Variants in SPECC1 observed in about 807,000 individuals in gnomAD.
The protein encoded by SPECC1 is cytospin-B.
SPECC1 carries 62 observed loss-of-function variants against 104.1 expected under a neutral mutation model. The observed-to-expected ratio is 0.60, with a 90% CI of 0.49 to 0.74. The LOEUF is 0.74. Ranked by LOEUF, SPECC1 falls within the 30% of genes least tolerant of loss-of-function variation. SPECC1 has a pLI of 0.00. For missense variants in SPECC1, 1,306 were observed against 1,310.5 expected, an observed-to-expected ratio of 1.00 and a Z score of 0.05; for synonymous variants, 513 against 501.6, an observed-to-expected ratio of 1.02 and a Z score of -0.30.
intron 3 of SPECC1, among the ~76,000 whole-genome samples, chr17:20,192,952 C>T (rs1175716580): frequency 6.6e-6 from 1 of 152,142 alleles, no homozygotes; most frequent in Non-Finnish European, 1.5e-5. Flanking sequence ...GGCAAGTCCA[C>T]AGTGCAAAGT....
intron 12 of SPECC1, among the ~76,000 whole-genome samples, chr17:20,268,120 A>G (rs2040276732): frequency 1.3e-5 from 2 of 152,250 alleles, no homozygotes; most frequent in East Asian, 3.8e-4. Context: ...AGATCAAAAG[A>G]AAGAAGAGTT....
At chr17:20,106,880 G>A (rs1351575757) in intron 2 of SPECC1, among the ~76,000 whole-genome samples, 3 of 152,102 alleles carry the variant, frequency 2.0e-5, no homozygotes, top group Non-Finnish European at 4.4e-5. Context: ...TCGTGGGCCA[G>A]GCGTGGTGGC....
intron 2 of SPECC1, among the ~76,000 whole-genome samples, chr17:20,110,192 G>A (rs1159080761): frequency 6.6e-6 from 1 of 152,194 alleles, no homozygotes; most frequent in Non-Finnish European, 1.5e-5. Context: ...TTCACGCACA[G>A]TCTTAGACAC....
chr17:20,311,411 A>T (rs1217744225), intron 14 of SPECC1, among the ~76,000 whole-genome samples: 2 of 149,204 alleles, frequency 1.3e-5, no homozygotes, highest in African/African-American at 5.0e-5. Flanking sequence ...TGTTTTTGAG[A>T]TGGAGTCTTG....
intron 12 of SPECC1, among the ~76,000 whole-genome samples, chr17:20,288,126 A>T (rs2041021822): frequency 1.3e-5 from 2 of 152,146 alleles, no homozygotes; most frequent in Admixed American, 6.5e-5. Flanking sequence ...AAAGGACATG[A>T]TCTTGTTTTT....
intron 1 of SPECC1, among the ~76,000 whole-genome samples, chr17:20,014,390 T>C (rs1212275700): frequency 6.6e-6 from 1 of 152,236 alleles, no homozygotes; most frequent in Non-Finnish European, 1.5e-5. Context: ...GTTATTTAGG[T>C]AAACTGTAAA....
chr17:20,240,060 ATTTTTTTTT>A (rs748689632), intron 7 of SPECC1, among the ~76,000 whole-genome samples: 7 of 32,178 alleles, frequency 2.2e-4, no homozygotes, highest in African/African-American at 3.0e-4. Context: ...TGTCCAGCTA[ATTTTTTTTT>A]TTTTTTTTTT....
intron 11 of SPECC1, 65 bp from the exon 12 acceptor site, chr17:20,260,127 T>A: frequency 7.6e-7 from 1 of 1,307,398 alleles, no homozygotes; most frequent in Non-Finnish European, 1.1e-6. Flanking sequence ...TATTTATTTC[T>A]TGTGTATTTG....
At chr17:20,121,180 A>G (rs1018236122) in intron 3 of SPECC1, among the ~76,000 whole-genome samples, 1 of 152,168 alleles carries the variant, frequency 6.6e-6, no homozygotes, top group Non-Finnish European at 1.5e-5. Context: ...CACAATAGCC[A>G]TAGGAAGAGC....
intron 3 of SPECC1, chr17:20,113,108 T>G (rs1311063805): frequency 1.2e-5 from 8 of 672,096 alleles, no homozygotes; most frequent in Non-Finnish European, 2.2e-5. Context: ...AAAAAAAAAT[T>G]TAGAGGATTA....
At chr17:20,021,053 CTAGAGA>C (rs1460601932) in intron 1 of SPECC1, among the ~76,000 whole-genome samples, 4 of 152,108 alleles carry the variant, frequency 2.6e-5, no homozygotes, top group Non-Finnish European at 5.9e-5. Context: ...ATAATGTAAG[CTAGAGA>C]TAAAGAAAAT....
Position 20,317,538 on chromosome 17 carries a change from G to A in SPECC1, c.*3473G>A. 1 of 187,518 alleles carries A rather than the reference G, an allele frequency of 5.3e-6. No individual in the cohort carries two copies. Among genetic ancestry groups the A allele is most frequent in the Non-Finnish European group, 1.1e-5 (1 of 89,006 alleles). 11.6% of individuals were successfully genotyped at this position (187,518 alleles called of 1,614,324 possible). A position where few individuals can be genotyped will look rare whatever the true frequency, so the allele number is the denominator to read the frequency against. On this transcript the variant is annotated 3_prime_UTR_variant, in exon 15 of 15. Coordinates refer to ENST00000395527, the MANE Select transcript of SPECC1 (RefSeq NM_001243439.2). ...CCTCCCAAAGTGCTGGGACTACAGGGGTAAGCCACCGCGCCTGGCCCAAAA... is the reference window on the plus strand; with the variant it reads ...CCTCCCAAAGTGCTGGGACTACAGGAGTAAGCCACCGCGCCTGGCCCAAAA...
intron 1 of SPECC1, among the ~76,000 whole-genome samples, chr17:20,073,090 A>T (rs1185107189): frequency 2.6e-5 from 4 of 152,106 alleles, no homozygotes; most frequent in Non-Finnish European, 5.9e-5. Context: ...ACGAAAAAAA[A>T]TTGCAACAAA....
chr17:20,056,919 T>C (rs2152467427), intron 1 of SPECC1, among the ~76,000 whole-genome samples: 1 of 152,320 alleles, frequency 6.6e-6, no homozygotes, highest in Middle Eastern at 3.4e-3. Context: ...CCAGGACAAA[T>C]TTCCAGAGCC....
At chr17:20,246,995 C>A (rs1165939830) in intron 8 of SPECC1, among the ~76,000 whole-genome samples, 1 of 152,138 alleles carries the variant, frequency 6.6e-6, no homozygotes, top group Non-Finnish European at 1.5e-5. Context: ...TTTCTTTTTG[C>A]TCAGCTATCC....
rs529602994 is a variant in SPECC1, at chr17:20,174,334, T to TA, written c.284-29996dup. Among the ~76,000 whole-genome samples the TA allele has an allele frequency of 1.2e-4, 18 of 152,314 alleles. No homozygotes were observed. The East Asian group carries it at 3.3e-3, about 28-fold the overall frequency. On this transcript the variant is annotated intron_variant, in intron 3 of 14. Coordinates refer to ENST00000395527, the MANE Select transcript of SPECC1 (RefSeq NM_001243439.2). ...TTTAAATAAAATAAATTTTAAAAAT[T>TA]AAATTGATATACTGTAAATATGCAG...
chr17:20,250,636 C>T (rs993807314), intron 9 of SPECC1, among the ~76,000 whole-genome samples: 2 of 152,218 alleles, frequency 1.3e-5, no homozygotes, highest in African/African-American at 4.8e-5. Context: ...CTTATGGCTT[C>T]ACCATGAAAC....
At chr17:20,183,906 C>A (rs2035081048) in intron 3 of SPECC1, among the ~76,000 whole-genome samples, 1 of 151,772 alleles carries the variant, frequency 6.6e-6, no homozygotes, top group South Asian at 2.1e-4. Flanking sequence ...CGTGGTGGCT[C>A]ACGCTTATAA....
At chr17:20,156,093 C>T (rs2032467977) in intron 3 of SPECC1, 14 of 1,345,344 alleles carry the variant, frequency 1.0e-5, no homozygotes, top group Non-Finnish European at 1.3e-5. Context: ...CTGGAGCGGA[C>T]CCGCCGGACG....
Sources: gnomAD v4.1 joint callset for allele counts (sites outside exome capture counted in the v4.1 genomes callset) on GRCh38, gnomAD v4.1.1 for gene constraint, MANE v1.5 for transcripts, NCBI Gene and HGNC (gene_info 2026-07-23, HGNC 2026-07-21) for gene names.